Variants in RIN3 observed in about 807,000 individuals in gnomAD.
RIN3 encodes the protein Ras and Rab interactor 3.
In RIN3, 54 loss-of-function variants were observed where a neutral mutation model predicts 76.3. The observed-to-expected ratio is 0.71, with a 90% confidence interval of 0.57 to 0.89. The LOEUF (loss-of-function observed/expected upper bound fraction) is 0.89, where lower values mean the gene tolerates loss of function less well. Among genes scored for constraint, RIN3 ranks in the 40% least tolerant of loss-of-function variants. RIN3 has a pLI of 0.00. For missense variants in RIN3, 1,256 were observed against 1,322.1 expected (o/e 0.95, Z 0.78); for synonymous variants, 576 against 564.0 (o/e 1.02, Z -0.30).
chr14:92,635,139 A>G (rs986571754), intron 4 of RIN3, among the ~76,000 whole-genome samples: 2 of 152,188 alleles, frequency 1.3e-5, no homozygotes, highest in Non-Finnish European at 2.9e-5. Context: ...AGGACTCGGC[A>G]TTTGGAGATG....
chr14:92,580,826 T>C lies in RIN3; in HGVS notation c.367+3349T>C, dbSNP rs573857973. 5.3e-5 allele frequency among the ~76,000 whole-genome samples: 8 copies of C among 152,308 alleles called. No individual in the cohort carries two copies. The East Asian group carries it at 1.5e-3, about 29-fold the overall frequency. ...GGTGTGTCACCTGTGCCGCATTCCA[T>C]TGGCTAGAACTTGGTCACAAGATCA... is the stretch of plus-strand genomic sequence containing the variant. On this transcript the variant is annotated intron_variant, in intron 3 of 9. Transcript: ENST00000216487.
At chr14:92,578,364 C>T (rs1898323536) in intron 3 of RIN3, among the ~76,000 whole-genome samples, 1 of 152,146 alleles carries the variant, frequency 6.6e-6, no homozygotes, top group Non-Finnish European at 1.5e-5. Context: ...CGGGTTTGTT[C>T]TGGTAGTACA....
chr14:92,659,129 T>C, intron 6 of RIN3, 32 bp from the exon 7 acceptor site: 1 of 1,608,158 alleles, frequency 6.2e-7, no homozygotes, highest in Non-Finnish European at 8.5e-7. Flanking sequence ...TGCATCTGGT[T>C]TCCTCACCCT....
At chr14:92,612,510 C>T (rs936717372) in intron 3 of RIN3, among the ~76,000 whole-genome samples, 1 of 152,198 alleles carries the variant, frequency 6.6e-6, no homozygotes, top group South Asian at 2.1e-4. Flanking sequence ...GCCCCTGTGG[C>T]CTTTACCCCT....
At chr14:92,543,663 A>C (rs1595401148) in intron 1 of RIN3, among the ~76,000 whole-genome samples, 1 of 131,034 alleles carries the variant, frequency 7.6e-6, no homozygotes, top group South Asian at 2.5e-4. Context: ...GCTCACTGCA[A>C]CCTCCGCTTC....
chr14:92,671,411 G>A (rs1014343173), intron 7 of RIN3, among the ~76,000 whole-genome samples: 67 of 152,304 alleles, frequency 4.4e-4, no homozygotes, highest in African/African-American at 1.5e-3. Context: ...CCAGTGGGAT[G>A]TTATGTGGGA....
rs1031722781 is a variant in RIN3 at position 92,568,295 on chromosome 14, G to A, written c.250-9065G>A. 6.6e-6 allele frequency among the ~76,000 whole-genome samples: 1 copy of A among 152,152 alleles called. No individual in the cohort carries two copies. The highest frequency in any genetic ancestry group is 6.5e-5 in the Admixed American group (1 of 15,284). ...CAACATCCCCTTGGAGTATGACCTGGGGACACTCGATCAGCGAGTGGGCAG... is the reference window on the plus strand; with the variant it reads ...CAACATCCCCTTGGAGTATGACCTGAGGACACTCGATCAGCGAGTGGGCAG... On this transcript the variant is annotated intron_variant, in intron 2 of 9. Transcript: ENST00000216487. This position sits in a 1 kb window ranked among gnomAD's most constrained non-coding sequence, Gnocchi z 4.2.
Position 92,576,947 on chromosome 14 carries a change from C to G in RIN3, c.250-413C>G, listed in dbSNP as rs183516641. Among the ~76,000 whole-genome samples the G allele has an allele frequency of 6.0e-4, 91 of 152,256 alleles. 1 individual carries two copies. The highest frequency in any genetic ancestry group is 1.2e-3 in the Non-Finnish European group (83 of 68,016). On this transcript the variant is annotated intron_variant, in intron 2 of 9. Coordinates refer to ENST00000216487, the MANE Select transcript of RIN3 (RefSeq NM_024832.5). ...GGGTGAGAGTTGAAATTCAACCTGA[C>G]TCCTGTACATTAGAGCTTTTCTGAG...
chr14:92,602,034 G>T lies in RIN3; in HGVS notation c.368-13373G>T, dbSNP rs148645843. 2.6e-5 allele frequency among the ~76,000 whole-genome samples: 4 copies of T among 152,364 alleles called. 1 individual carries two copies. In the East Asian group the frequency reaches 7.7e-4, roughly 29 times the overall value. The stretch of plus-strand genomic sequence containing the variant: ...CTTTTATTACAGCATGAACAGTGTA[G>T]TGGGGAGTCACCTCAGGGTAACATG... On this transcript the variant is annotated intron_variant, in intron 3 of 9. Coordinates refer to ENST00000216487, the MANE Select transcript of RIN3 (RefSeq NM_024832.5).
chr14:92,649,916 G>A (rs560125769), intron 5 of RIN3, among the ~76,000 whole-genome samples: 12 of 152,278 alleles, frequency 7.9e-5, no homozygotes, highest in Admixed American at 2.6e-4. Flanking sequence ...CTGGTGGGTC[G>A]CAGTTCACTT....
chr14:92,634,030 G>A (rs979995985), intron 4 of RIN3, among the ~76,000 whole-genome samples: 3 of 151,278 alleles, frequency 2.0e-5, no homozygotes, highest in African/African-American at 7.3e-5. Context: ...ACCCTCCAGA[G>A]TGTGGGGGAA....
chr14:92,630,298 G>A (rs1185967036), intron 4 of RIN3, among the ~76,000 whole-genome samples: 1 of 152,174 alleles, frequency 6.6e-6, no homozygotes, highest in East Asian at 1.9e-4. Context: ...CTCAAGACCA[G>A]CCTGGGCAAC....
chr14:92,601,422 G>A (rs776653305), intron 3 of RIN3, among the ~76,000 whole-genome samples: 4 of 152,144 alleles, frequency 2.6e-5, no homozygotes, highest in Non-Finnish European at 5.9e-5. Flanking sequence ...TCTCACAGTG[G>A]CGGTCACTTT....
intron 1 of RIN3, among the ~76,000 whole-genome samples, chr14:92,543,842 T>G (rs1201022155): frequency 6.6e-6 from 1 of 151,880 alleles, no homozygotes; most frequent in African/African-American, 2.4e-5. Context: ...CCTAGACGGG[T>G]GTTTTATTGG....
chr14:92,683,074 G>A (rs1183711438), intron 8 of RIN3, among the ~76,000 whole-genome samples: 2 of 152,170 alleles, frequency 1.3e-5, no homozygotes, highest in Non-Finnish European at 2.9e-5. Context: ...GGCTGAGGCA[G>A]GAGAATAGCT....
chr14:92,635,745 C>T (rs1886751528), intron 4 of RIN3, among the ~76,000 whole-genome samples: 1 of 152,060 alleles, frequency 6.6e-6, no homozygotes. Flanking sequence ...CCCAGCTACT[C>T]GGGAGACTGA....
At chr14:92,584,856 A>T (rs778252296) in intron 3 of RIN3, among the ~76,000 whole-genome samples, 1 of 152,208 alleles carries the variant, frequency 6.6e-6, no homozygotes, top group Non-Finnish European at 1.5e-5. Flanking sequence ...AAAGAAGGCC[A>T]CTTGGCCCCA....
rs963077448 is a variant in RIN3, at chr14:92,652,244, G to C, written c.1195G>C (p.Asp399His). 7 of 1,610,802 alleles carry C rather than the reference G, an allele frequency of 4.3e-6. No individual in the cohort carries two copies. In the African/African-American group the frequency reaches 8.0e-5, roughly 18 times the overall value. Residue 399 changes from aspartate to histidine, a missense_variant, in exon 6 of 10, where the codon GAC (aspartate) becomes CAC (histidine). By Grantham distance (81) the Asp-to-His change is moderately conservative (BLOSUM62 -1). This residue lies in a region of RIN3 where 610 missense variants were observed against 626.4 expected (regional missense o/e 0.97). Coordinates refer to ENST00000216487, the MANE Select transcript of RIN3 (RefSeq NM_024832.5). This position sits in a 1 kb window ranked among gnomAD's most constrained non-coding sequence, Gnocchi z 6.4. The part of the protein sequence containing the change: ...RRVSERVSLE[D>H]QSPGMAAEGD... ...CGTTTCCGAGAGGGTGTCCTTAGAA[G>C]ACCAAAGTCCGGGGATGGCGGCAGA...
Position 92,552,866 on chromosome 14 carries a change from G to GT in RIN3, c.45-2877dup, listed in dbSNP as rs980939678. 2.1e-4 allele frequency among the ~76,000 whole-genome samples: 32 copies of GT among 151,500 alleles called. No homozygotes were observed. In the South Asian group the frequency reaches 3.1e-3, roughly 15 times the overall value. ...AATGTAAATACCGTGAAGGTTTTGGGTTTTTTTTAACTGTTTTGTTCACTG... is the reference window on the plus strand; with the variant it reads ...AATGTAAATACCGTGAAGGTTTTGGGTTTTTTTTTAACTGTTTTGTTCACTG... On this transcript the variant is annotated intron_variant, in intron 1 of 9. Transcript: ENST00000216487.
Sources: gnomAD v4.1 joint callset for allele counts (sites outside exome capture counted in the v4.1 genomes callset) on GRCh38, gnomAD v4.1.1 for gene constraint, gnomAD v4.1.1 regional missense constraint, Gnocchi (gnomAD v3.1) non-coding constraint, MANE v1.5 for transcripts, NCBI Gene and HGNC (gene_info 2026-07-23, HGNC 2026-07-21) for gene names.